The following CTNNA2 variants were observed in gnomAD, a reference collection of about 807,000 sequenced individuals.
CTNNA2 encodes the protein catenin alpha 2.
In CTNNA2, 42 loss-of-function variants were observed where a neutral mutation model predicts 101.0. That is an observed-to-expected ratio of 0.42 (90% CI 0.32 to 0.54). The LOEUF (loss-of-function observed/expected upper bound fraction) is 0.54. Ranked by LOEUF, CTNNA2 falls within the 20% of genes least tolerant of loss-of-function variation. The pLI is 0.14. For synonymous variants in CTNNA2, 450 were observed against 456.4 expected, an observed-to-expected ratio of 0.99 and a Z score of 0.18; for missense variants, 871 against 1,223.1, an observed-to-expected ratio of 0.71 and a Z score of 4.29.
At chr2:79,250,642 A>T (rs1674759551) in intron 2 of CTNNA2, among the ~76,000 whole-genome samples, 2 of 152,116 alleles carry the variant, frequency 1.3e-5, no homozygotes, top group African/African-American at 4.8e-5. Flanking sequence ...TATCTGCTAC[A>T]TATCTGGTTT....
chr2:79,694,429 G>A (rs992337877), intron 2 of CTNNA2, among the ~76,000 whole-genome samples: 1 of 151,900 alleles, frequency 6.6e-6, no homozygotes, highest in Admixed American at 6.6e-5. Context: ...GATGCAAGAG[G>A]TTTTAGAATT....
At chr2:80,534,465 C>T (rs555850353) in intron 9 of CTNNA2, among the ~76,000 whole-genome samples, 100 of 152,226 alleles carry the variant, frequency 6.6e-4, no homozygotes, top group African/African-American at 2.0e-3. Context: ...TTCTATACAA[C>T]ATGAAGAGAG....
intron 1 of CTNNA2, among the ~76,000 whole-genome samples, chr2:79,626,725 A>G (rs990295779): frequency 6.6e-6 from 1 of 151,774 alleles, no homozygotes; most frequent in African/African-American, 2.4e-5. Context: ...AGGGCTGGCT[A>G]AACAGCCTTG....
intron 1 of CTNNA2, among the ~76,000 whole-genome samples, chr2:79,555,130 T>C (rs1262798111): frequency 6.6e-6 from 1 of 152,216 alleles, no homozygotes; most frequent in African/African-American, 2.4e-5. Context: ...GTGGGTCCTA[T>C]TTTTATGCAA....
chr2:79,735,379 C>T (rs1304232830), intron 2 of CTNNA2, among the ~76,000 whole-genome samples: 1 of 152,078 alleles, frequency 6.6e-6, no homozygotes, highest in Non-Finnish European at 1.5e-5. Context: ...GTTCAAATCA[C>T]ATCTCACCGA....
At chr2:79,339,002 C>G (rs1677069482) in intron 3 of CTNNA2, among the ~76,000 whole-genome samples, 1 of 151,982 alleles carries the variant, frequency 6.6e-6, no homozygotes, top group Non-Finnish European at 1.5e-5. Context: ...TTCCCAACAG[C>G]AGATATTGAA....
chr2:79,431,519 T>G (rs558973805), intron 4 of CTNNA2, among the ~76,000 whole-genome samples: 1 of 152,260 alleles, frequency 6.6e-6, no homozygotes, highest in Non-Finnish European at 1.5e-5. Flanking sequence ...CTCTTAAAAC[T>G]TGTCAGACAT....
chr2:80,491,369 C>A (rs550096076), intron 9 of CTNNA2, among the ~76,000 whole-genome samples: 1 of 152,186 alleles, frequency 6.6e-6, no homozygotes, highest in Non-Finnish European at 1.5e-5. Context: ...GGCATGATCA[C>A]CGTCTTTGAA....
At chr2:79,713,338 C>T (rs112395968) in intron 2 of CTNNA2, among the ~76,000 whole-genome samples, 2 of 152,110 alleles carry the variant, frequency 1.3e-5, no homozygotes, top group Admixed American at 6.6e-5. Flanking sequence ...CCCATCTACT[C>T]GGGAGGCTGA....
intron 7 of CTNNA2, among the ~76,000 whole-genome samples, chr2:80,098,435 G>A (rs757726307): frequency 6.6e-6 from 1 of 152,214 alleles, no homozygotes; most frequent in Non-Finnish European, 1.5e-5. Context: ...TTGCCTCCCA[G>A]TTAGGCTACT....
At chr2:80,031,041 A>G (rs933357823) in intron 7 of CTNNA2, among the ~76,000 whole-genome samples, 1 of 152,026 alleles carries the variant, frequency 6.6e-6, no homozygotes, top group Non-Finnish European at 1.5e-5. Context: ...GGAAGGCAAT[A>G]GATAATATGC....
chr2:80,607,042 T>G (rs1358276620), intron 16 of CTNNA2, among the ~76,000 whole-genome samples: 1 of 151,920 alleles, frequency 6.6e-6, no homozygotes, highest in African/African-American at 2.4e-5. Context: ...TGGTAAGTGT[T>G]AAATATAAAA....
At chr2:79,686,552 CAAAA>C (rs796749267) in intron 2 of CTNNA2, among the ~76,000 whole-genome samples, 7 of 151,858 alleles carry the variant, frequency 4.6e-5, no homozygotes, top group African/African-American at 1.7e-4. Context: ...GAGAAACAAA[CAAAA>C]AATCATTCTA....
chr2:80,062,506 A>G (rs1225946851), intron 7 of CTNNA2, among the ~76,000 whole-genome samples: 2 of 152,216 alleles, frequency 1.3e-5, no homozygotes, highest in Non-Finnish European at 2.9e-5. Flanking sequence ...CTGACATTGC[A>G]ATAATGCTCC....
chr2:80,450,878 G>A (rs1156844889), intron 9 of CTNNA2, among the ~76,000 whole-genome samples: 1 of 151,958 alleles, frequency 6.6e-6, no homozygotes, highest in African/African-American at 2.4e-5. Flanking sequence ...TTTCAGCAGT[G>A]GAACTTGAGA....
chr2:79,411,400 C>T (rs1218971636), intron 4 of CTNNA2, among the ~76,000 whole-genome samples: 1 of 151,854 alleles, frequency 6.6e-6, no homozygotes. Flanking sequence ...GTTAGGGTGT[C>T]AATTTTGGAT....
intron 3 of CTNNA2, among the ~76,000 whole-genome samples, chr2:79,368,662 G>A (rs1361184235): frequency 6.6e-6 from 1 of 152,152 alleles, no homozygotes; most frequent in Non-Finnish European, 1.5e-5. Flanking sequence ...AGGCTTATTA[G>A]AGTGGGAGGT....
intron 2 of CTNNA2, among the ~76,000 whole-genome samples, chr2:79,294,398 C>T (rs1675920547): frequency 1.3e-5 from 2 of 152,152 alleles, no homozygotes; most frequent in South Asian, 4.1e-4. Context: ...CCATAATTAC[C>T]TTAAGTCCTA....
intron 5 of CTNNA2, among the ~76,000 whole-genome samples, chr2:79,870,878 C>T (rs143165627): frequency 6.6e-6 from 1 of 152,206 alleles, no homozygotes; most frequent in East Asian, 1.9e-4. Context: ...GATTATAGGT[C>T]CCTCCCTCCA....
Sources: allele counts gnomAD v4.1 joint callset (sites outside exome capture counted in the v4.1 genomes callset), GRCh38; gene constraint gnomAD v4.1.1; transcripts MANE v1.5; gene names NCBI Gene and HGNC (gene_info 2026-07-23, HGNC 2026-07-21).